TRIM2: variants seen among roughly 807,000 people sequenced by gnomAD.
TRIM2 encodes the protein tripartite motif-containing protein 2.
A neutral mutation model predicts 75.2 loss-of-function variants in TRIM2; 20 were observed. The observed-to-expected ratio is 0.27, with a 90% CI of 0.19 to 0.39. The LOEUF is 0.39. TRIM2 is among the 10% of genes least tolerant of loss of function. The pLI is 1.00. For synonymous variants in TRIM2, 373 were observed against 388.3 expected, an observed-to-expected ratio of 0.96 and a Z score of 0.46; for missense variants, 660 against 990.8, an observed-to-expected ratio of 0.67 and a Z score of 4.48.
intron 1 of TRIM2, among the ~76,000 whole-genome samples, chr4:153,247,995 G>GTTTT (rs34416658): frequency 2.3e-5 from 3 of 128,718 alleles, no homozygotes; most frequent in Non-Finnish European, 4.8e-5. Flanking sequence ...TGGATCATGT[G>GTTTT]TTTTTTTTTT....
chr4:153,158,920 G>A (rs748890874), intron 1 of TRIM2, among the ~76,000 whole-genome samples: 3 of 152,220 alleles, frequency 2.0e-5, no homozygotes, highest in Non-Finnish European at 4.4e-5. Flanking sequence ...GGAGAAAGAA[G>A]ACAGGCTTTC....
At chr4:153,303,572 T>C (rs1039621910) in intron 6 of TRIM2, among the ~76,000 whole-genome samples, 1 of 152,230 alleles carries the variant, frequency 6.6e-6, no homozygotes, top group African/African-American at 2.4e-5. Flanking sequence ...AATAATCATT[T>C]TGTGCATGTG....
At chr4:153,283,524 A>C (rs956309070) in intron 3 of TRIM2, among the ~76,000 whole-genome samples, 2 of 152,164 alleles carry the variant, frequency 1.3e-5, no homozygotes, top group African/African-American at 2.4e-5. Flanking sequence ...ATTCATGTAC[A>C]TGTTTTTGTG....
At chr4:153,308,057 A>G in intron 6 of TRIM2, 1 of 789,132 alleles carries the variant, frequency 1.3e-6, no homozygotes, top group Non-Finnish European at 2.3e-6. Flanking sequence ...TGTCATAAGG[A>G]CTGTAGCTCT....
At chr4:153,161,325 C>T (rs189092124) in intron 1 of TRIM2, among the ~76,000 whole-genome samples, 179 of 152,292 alleles carry the variant, frequency 1.2e-3, no homozygotes, top group African/African-American at 3.8e-3. Context: ...ATGAATTGAA[C>T]GTACGTGCTA....
At chr4:153,314,450 C>CTAGTATGGCCAGGTGTGGTGGTTATTG (rs1767147488) in intron 6 of TRIM2, among the ~76,000 whole-genome samples, 1 of 145,426 alleles carries the variant, frequency 6.9e-6, no homozygotes, top group Admixed American at 6.8e-5. Flanking sequence ...AAAAGAGAGT[C>CTAGTATGGCCAGGTGTGGTGGTTATTG]TAGTATGGCC....
At chr4:153,333,994 G>GA (rs1489994354) in intron 11 of TRIM2, among the ~76,000 whole-genome samples, 2 of 151,672 alleles carry the variant, frequency 1.3e-5, no homozygotes, top group Non-Finnish European at 2.9e-5. Context: ...TTCTAAAAAG[G>GA]AAAAAATAAT....
chr4:153,224,207 TAG>T (rs1323585315), intron 1 of TRIM2, among the ~76,000 whole-genome samples: 2 of 152,194 alleles, frequency 1.3e-5, no homozygotes, highest in African/African-American at 4.8e-5. Context: ...CACCCTTAAC[TAG>T]AGATAGAAAG....
At chr4:153,166,134 T>G (rs1398800489) in intron 1 of TRIM2, among the ~76,000 whole-genome samples, 1 of 152,206 alleles carries the variant, frequency 6.6e-6, no homozygotes, top group Admixed American at 6.5e-5. Context: ...AATCCTGTTC[T>G]TATTTCACGG....
In TRIM2 at chr4:153,242,997, C is replaced by T. The variant is rs544970665; in HGVS notation, c.31-27338C>T. ...GCATGTTGGCAGGGGCCCCAGGGCC[C>T]GGGCAGCTCTCTAGAGAAAGGATTT... On this transcript the variant is annotated intron_variant, in intron 1 of 11. Transcript: ENST00000338700. Among the ~76,000 whole-genome samples the T allele has an allele frequency of 3.9e-5, 6 of 152,304 alleles. No individual in the cohort carries two copies. The East Asian group carries it at 5.8e-4, about 15-fold the overall frequency.
chr4:153,235,859 G>A (rs567553115), intron 1 of TRIM2, among the ~76,000 whole-genome samples: 40 of 152,068 alleles, frequency 2.6e-4, no homozygotes, highest in African/African-American at 8.0e-4. Context: ...CACCTCCTCC[G>A]GGACCCTGCC....
At chr4:153,237,456 G>A (rs988226811) in intron 1 of TRIM2, among the ~76,000 whole-genome samples, 8 of 152,048 alleles carry the variant, frequency 5.3e-5, no homozygotes, top group Non-Finnish European at 7.4e-5. Flanking sequence ...TGAGGTGGGC[G>A]GATCACGAGG....
chr4:153,227,329 T>A (rs1165387126), intron 1 of TRIM2, among the ~76,000 whole-genome samples: 1 of 152,184 alleles, frequency 6.6e-6, no homozygotes, highest in African/African-American at 2.4e-5. Flanking sequence ...AATTCAACAG[T>A]GGCCCTGGGT....
intron 8 of TRIM2, among the ~76,000 whole-genome samples, chr4:153,322,024 T>C (rs1769103486): frequency 6.6e-6 from 1 of 152,156 alleles, no homozygotes; most frequent in South Asian, 2.1e-4. Flanking sequence ...TCCAGTGATC[T>C]TTCACCAGAT....
At chr4:153,182,043 G>C (rs1732118208) in intron 1 of TRIM2, among the ~76,000 whole-genome samples, 1 of 152,186 alleles carries the variant, frequency 6.6e-6, no homozygotes, top group Non-Finnish European at 1.5e-5. Context: ...CAAGATGCAT[G>C]AGGCTCCCCA....
chr4:153,284,566 G>A (rs1406850521), intron 3 of TRIM2, among the ~76,000 whole-genome samples: 1 of 152,172 alleles, frequency 6.6e-6, no homozygotes, highest in African/African-American at 2.4e-5. Context: ...CAAAGCATAA[G>A]GGTTCTAATT....
intron 6 of TRIM2, among the ~76,000 whole-genome samples, chr4:153,301,603 T>C (rs948539617): frequency 2.0e-5 from 3 of 152,236 alleles, no homozygotes; most frequent in Non-Finnish European, 2.9e-5. Flanking sequence ...TGTTTTCTGC[T>C]AGTGGTTTTA....
chr4:153,309,109 G>A (rs945781051), intron 6 of TRIM2, among the ~76,000 whole-genome samples: 2 of 152,200 alleles, frequency 1.3e-5, no homozygotes, highest in Non-Finnish European at 2.9e-5. Flanking sequence ...TGTAGTGAAG[G>A]ATACAGACAG....
chr4:153,301,394 T>C (rs1205597244), intron 6 of TRIM2, among the ~76,000 whole-genome samples: 2 of 152,196 alleles, frequency 1.3e-5, no homozygotes, highest in African/African-American at 4.8e-5. Flanking sequence ...GTTTCTTGTG[T>C]ATTTTAGATA....
Sources: allele counts gnomAD v4.1 joint callset (sites outside exome capture counted in the v4.1 genomes callset), GRCh38; gene constraint gnomAD v4.1.1; transcripts MANE v1.5; gene names NCBI Gene and HGNC (gene_info 2026-07-23, HGNC 2026-07-21).